The following GPM6A variants were observed in gnomAD, a reference collection of about 807,000 sequenced individuals.
GPM6A encodes neuronal membrane glycoprotein M6-a.
Under a neutral mutation model 32.1 loss-of-function variants are expected in GPM6A, and 7 were observed. That is an observed-to-expected ratio of 0.22 (90% CI 0.12 to 0.41). The LOEUF (loss-of-function observed/expected upper bound fraction) is 0.41, where lower values mean the gene tolerates loss of function less well. GPM6A is among the 10% of genes least tolerant of loss of function. The pLI is 1.00. For missense variants in GPM6A, 235 were observed against 347.2 expected (o/e 0.68, Z 2.57); for synonymous variants, 130 against 123.4 (o/e 1.05, Z -0.35).
intron 1 of GPM6A, among the ~76,000 whole-genome samples, chr4:175,742,436 G>T (rs1472917605): frequency 6.6e-6 from 1 of 152,032 alleles, no homozygotes; most frequent in Non-Finnish European, 1.5e-5. Context: ...GCTTATCAGT[G>T]ACTTTTCAAA....
intron 1 of GPM6A, among the ~76,000 whole-genome samples, chr4:175,862,642 T>A (rs989385093): frequency 6.6e-6 from 1 of 152,180 alleles, no homozygotes; most frequent in Non-Finnish European, 1.5e-5. Context: ...TTGGAGCACG[T>A]GGCAATGTTC....
chr4:175,637,372 ATATAT>A (rs1740777413), intron 6 of GPM6A, among the ~76,000 whole-genome samples: 1 of 73,098 alleles, frequency 1.4e-5, no homozygotes, highest in South Asian at 3.9e-4. Context: ...ATAACATATA[ATATAT>A]TATATAATAT....
chr4:175,817,114 TC>T (rs1441351606), upstream of GPM6A, among the ~76,000 whole-genome samples: 6 of 152,270 alleles, frequency 3.9e-5, no homozygotes, highest in African/African-American at 1.4e-4. Flanking sequence ...CGCCTCGGCC[TC>T]CCAAAGTGCT....
At chr4:175,731,170 C>A (rs143789434) in intron 1 of GPM6A, among the ~76,000 whole-genome samples, 5 of 152,248 alleles carry the variant, frequency 3.3e-5, no homozygotes, top group African/African-American at 9.6e-5. Context: ...AGAATAAAGA[C>A]AAACTCTCAG....
At chr4:175,813,677 T>C (rs1041037788), upstream of GPM6A, among the ~76,000 whole-genome samples, 1 of 152,202 alleles carries the variant, frequency 6.6e-6, no homozygotes, top group Non-Finnish European at 1.5e-5. Flanking sequence ...ATACGTTTCT[T>C]GCATTATAGC....
chr4:175,694,666 G>T (rs1377970423), intron 2 of GPM6A, among the ~76,000 whole-genome samples: 1 of 152,128 alleles, frequency 6.6e-6, no homozygotes, highest in Admixed American at 6.6e-5. Flanking sequence ...AGGGGAAGCA[G>T]AGCATACAAG....
intron 3 of GPM6A, among the ~76,000 whole-genome samples, chr4:175,656,842 ACT>A (rs149933540): frequency 0.045 from 6,829 of 152,196 alleles, 178 homozygotes; most frequent in Non-Finnish European, 0.061. Flanking sequence ...AAGCCAGCTG[ACT>A]CTGATTGCAC....
intron 1 of GPM6A, among the ~76,000 whole-genome samples, chr4:175,736,312 G>T (rs1328350561): frequency 6.6e-6 from 1 of 152,034 alleles, no homozygotes; most frequent in African/African-American, 2.4e-5. Context: ...ACAGCACATG[G>T]CATAAAAAAA....
chr4:175,640,123 T>A lies in GPM6A; in HGVS notation c.684+6A>T. The stretch of plus-strand genomic sequence containing the variant: ...AAAACCAAGCACCAGCGCTTTGAGG[T>A]CTTACCATAGCAATGACTGCTGCCC... On this transcript the variant is annotated splice_donor_region_variant and intron_variant, in intron 6 of 6. Coordinates refer to ENST00000393658, the MANE Select transcript of GPM6A (RefSeq NM_201591.3). 6.2e-7 allele frequency: 1 copy of A among 1,608,620 alleles called. No individual in the cohort carries two copies. Among genetic ancestry groups the A allele is most frequent in the African/African-American group, 1.3e-5 (1 of 74,862 alleles).
upstream of GPM6A, among the ~76,000 whole-genome samples, chr4:175,814,403 TA>T (rs1735036995): frequency 6.6e-6 from 1 of 152,216 alleles, no homozygotes; most frequent in African/African-American, 2.4e-5. Context: ...GTTCTGATCT[TA>T]GAAGCTAATT....
rs548145502 is a variant in GPM6A, at chr4:175,827,135, T to C, written c.-22-14886A>G. On this transcript the variant is annotated intron_variant, in intron 1 of 7. Coordinates refer to the GPM6A transcript ENST00000280187. ...GGCTTCAGAAAAATAGATTCTCTAATGACAGAAGATGAAAAATTTCTTTGA... is the reference window on the plus strand; with the variant it reads ...GGCTTCAGAAAAATAGATTCTCTAACGACAGAAGATGAAAAATTTCTTTGA... 4.6e-5 allele frequency among the ~76,000 whole-genome samples: 7 copies of C among 152,262 alleles called. No homozygotes were observed. The East Asian group carries it at 1.2e-3, about 25-fold the overall frequency.
At chr4:175,731,677 A>C (rs1466999216) in intron 1 of GPM6A, among the ~76,000 whole-genome samples, 1 of 152,214 alleles carries the variant, frequency 6.6e-6, no homozygotes, top group Non-Finnish European at 1.5e-5. Context: ...AGCCTGAATA[A>C]CTTTTTTAAA....
At chr4:175,749,579 C>T (rs532232043) in intron 1 of GPM6A, among the ~76,000 whole-genome samples, 10 of 152,216 alleles carry the variant, frequency 6.6e-5, no homozygotes, top group South Asian at 2.1e-4. Flanking sequence ...TCTTTGGTAT[C>T]GTTTATATAA....
chr4:175,807,678 T>C (rs1734748341), intron 1 of GPM6A: 1 of 152,200 alleles, frequency 6.6e-6, no homozygotes, highest in Admixed American at 6.5e-5. Flanking sequence ...TTTTCATATC[T>C]GGCAAAGAAA....
intron 4 of GPM6A, among the ~76,000 whole-genome samples, chr4:175,651,138 A>G (rs945030924): frequency 3.9e-5 from 6 of 152,136 alleles, no homozygotes; most frequent in African/African-American, 1.2e-4. Context: ...ATAAACTTGG[A>G]TAAGTCACTG....
intron 1 of GPM6A, among the ~76,000 whole-genome samples, chr4:175,758,386 A>G (rs75229275): frequency 0.02 from 3,060 of 152,278 alleles, 83 homozygotes; most frequent in African/African-American, 0.056. Flanking sequence ...CTTTTAAGAC[A>G]TCAATAAGGA....
At chr4:175,698,155 T>C (rs1023185128) in intron 2 of GPM6A, among the ~76,000 whole-genome samples, 40 of 152,110 alleles carry the variant, frequency 2.6e-4, no homozygotes, top group Admixed American at 4.6e-4. Context: ...CCTCAAATCC[T>C]GAGCACCACA....
chr4:175,890,237 C>T (rs1330471794), intron 1 of GPM6A, among the ~76,000 whole-genome samples: 1 of 152,152 alleles, frequency 6.6e-6, no homozygotes, highest in East Asian at 1.9e-4. Flanking sequence ...TGGAGACCAA[C>T]TTGACAATAT....
In GPM6A at chr4:175,718,082, C is replaced by T. The variant is rs559288099; in HGVS notation, c.38-16315G>A. Among the ~76,000 whole-genome samples the T allele has an allele frequency of 3.1e-3, 477 of 152,146 alleles. 3 individuals are homozygous for T. The highest frequency in any genetic ancestry group is 0.011 in the African/African-American group (466 of 41,510). ...TTTCTTAAAACAAAAATAACAGCTG[C>T]AAAAATGGCAATAGCTTATGTTACG... is the stretch of plus-strand genomic sequence containing the variant. On this transcript the variant is annotated intron_variant, in intron 1 of 6. Transcript: ENST00000393658.
Sources: gnomAD v4.1 joint callset for allele counts (sites outside exome capture counted in the v4.1 genomes callset) on GRCh38, gnomAD v4.1.1 for gene constraint, MANE v1.5 for transcripts, NCBI Gene and HGNC (gene_info 2026-07-23, HGNC 2026-07-21) for gene names.